The following LRIG1 variants were observed in gnomAD, a reference collection of about 807,000 sequenced individuals.
The protein encoded by LRIG1 is leucine-rich repeats and immunoglobulin-like domains protein 1.
A neutral mutation model predicts 99.2 loss-of-function variants in LRIG1; 48 were observed. That is an observed-to-expected ratio of 0.48 (90% CI 0.38 to 0.62). LRIG1 has a LOEUF of 0.62. Ranked by LOEUF, LRIG1 falls within the 20% of genes least tolerant of loss-of-function variation. The pLI, the probability that LRIG1 is intolerant of heterozygous loss-of-function variation, is 0.00. For missense variants in LRIG1, 1,646 were observed against 1,434.4 expected (o/e 1.15, Z -2.38); for synonymous variants, 772 against 596.1 (o/e 1.29, Z -4.30).
At chr3:66,487,660 G>A (rs908884774) in intron 1 of LRIG1, among the ~76,000 whole-genome samples, 2 of 152,086 alleles carry the variant, frequency 1.3e-5, no homozygotes, top group East Asian at 1.9e-4. Context: ...AGATTCCTCC[G>A]GGAAAGGACG....
intron 2 of LRIG1, among the ~76,000 whole-genome samples, chr3:66,460,964 C>G (rs1300093614): frequency 2.0e-5 from 3 of 152,082 alleles, no homozygotes; most frequent in African/African-American, 7.2e-5. Flanking sequence ...CAAATTGTAC[C>G]AGCTGATGAA....
intron 16 of LRIG1, 77 bp downstream of exon 16, chr3:66,382,196 A>T: frequency 6.4e-7 from 1 of 1,572,100 alleles, no homozygotes; most frequent in Non-Finnish European, 8.7e-7. Flanking sequence ...CCTGCCCTGT[A>T]AAGACCTGGA....
chr3:66,399,353 C>T lies in LRIG1; in HGVS notation c.1161-312G>A, dbSNP rs181826257. On this transcript the variant is annotated intron_variant, in intron 9 of 18. Transcript: ENST00000273261. ...TTAGGCAGAAATCACCTTGTCTGGC[C>T]CAGTCTCTCTCCAAGGACCACCAAC... is the stretch of plus-strand genomic sequence containing the variant. Among the ~76,000 whole-genome samples, 5 of 152,282 alleles carry T rather than the reference C, an allele frequency of 3.3e-5. No homozygotes were observed. In the East Asian group the frequency reaches 9.7e-4, roughly 29 times the overall value.
At chr3:66,406,233 G>A (rs1382235202) in intron 8 of LRIG1, 1 of 985,338 alleles carries the variant, frequency 1.0e-6, no homozygotes, top group African/African-American at 1.7e-5. Context: ...GCTGCTGGAA[G>A]GGACTTCTCC....
At chr3:66,398,664 G>A (rs991057230) in intron 10 of LRIG1, among the ~76,000 whole-genome samples, 3 of 152,236 alleles carry the variant, frequency 2.0e-5, no homozygotes, top group Non-Finnish European at 2.9e-5. Flanking sequence ...AAGAGGCAAT[G>A]AGGCCAGGGG....
At chr3:66,401,668 C>A in intron 9 of LRIG1, 1 of 1,528,988 alleles carries the variant, frequency 6.5e-7, no homozygotes, top group Non-Finnish European at 8.7e-7. Context: ...ACTGGGATGG[C>A]TCTAATAAAA....
At chr3:66,485,208 C>T (rs1456085878) in intron 1 of LRIG1, among the ~76,000 whole-genome samples, 1 of 151,524 alleles carries the variant, frequency 6.6e-6, no homozygotes, top group Non-Finnish European at 1.5e-5. Flanking sequence ...ATAAATTCCA[C>T]CTTTCTCCTT....
chr3:66,380,960 A>T (rs1701020475), intron 17 of LRIG1, 99 bp from the exon 18 acceptor site: 1 of 1,255,276 alleles, frequency 8.0e-7, no homozygotes, highest in African/African-American at 1.5e-5. Context: ...CAAGGTGAGA[A>T]CCCTGACTGC....
intron 14 of LRIG1, 52 bp downstream of exon 14, chr3:66,383,939 C>G: frequency 1.3e-6 from 2 of 1,556,978 alleles, no homozygotes; most frequent in South Asian, 1.2e-5. Context: ...GAGAGTCTCT[C>G]TCTCTCGCTC....
chr3:66,402,314 G>A (rs1457463341), intron 9 of LRIG1, among the ~76,000 whole-genome samples: 1 of 152,194 alleles, frequency 6.6e-6, no homozygotes, highest in Non-Finnish European at 1.5e-5. Context: ...GCCCTGGAGT[G>A]GGTCTACAGC....
chr3:66,396,301 G>A (rs1034887363), intron 11 of LRIG1, among the ~76,000 whole-genome samples: 3 of 152,316 alleles, frequency 2.0e-5, no homozygotes, highest in South Asian at 2.1e-4. Context: ...GGCTCCTGCC[G>A]CCCTTCTTCC....
chr3:66,402,671 C>T (rs890760250), intron 9 of LRIG1, among the ~76,000 whole-genome samples: 6 of 152,146 alleles, frequency 3.9e-5, no homozygotes, highest in African/African-American at 1.4e-4. Flanking sequence ...AAACCCACAC[C>T]AAATGAAGGG....
At chr3:66,392,234 T>A (rs1028395919) in intron 12 of LRIG1, among the ~76,000 whole-genome samples, 2 of 152,244 alleles carry the variant, frequency 1.3e-5, no homozygotes, top group African/African-American at 4.8e-5. Flanking sequence ...TTGGCCATTA[T>A]GAATAATGCT....
Position 66,383,326 on chromosome 3 carries a change from G to A in LRIG1, c.2147C>T (p.Ala716Val), listed in dbSNP as rs746019025. The A allele has an allele frequency of 2.5e-6, 4 of 1,600,992 alleles. No individual in the cohort carries two copies. The South Asian group carries it at 4.4e-5, about 18-fold the overall frequency. ...GATGCGGGGCGGAGGGTTCCCCGTG[G>A]CTTTGCATTGGAGGGCCACTGTTTC... ...VGETVALQCK[A>V]TGNPPPRITW... The change falls in exon 15 of 19, where the codon GCC (alanine) becomes GTC (valine). Residue 716 changes from alanine to valine, a missense_variant. Coordinates refer to ENST00000273261, the MANE Select transcript of LRIG1 (RefSeq NM_015541.3).
chr3:66,396,751 C>T (rs1374512464), intron 11 of LRIG1, among the ~76,000 whole-genome samples: 2 of 152,230 alleles, frequency 1.3e-5, no homozygotes, highest in Non-Finnish European at 2.9e-5. Context: ...AGGTATTTTT[C>T]AGTCCTGACA....
chr3:66,444,121 G>C (rs1575696379), intron 3 of LRIG1, among the ~76,000 whole-genome samples: 1 of 152,194 alleles, frequency 6.6e-6, no homozygotes, highest in African/African-American at 2.4e-5. Flanking sequence ...CCTGCCGGGG[G>C]AGAGGGGATG....
chr3:66,408,168 A>T (rs945927514), intron 7 of LRIG1, among the ~76,000 whole-genome samples: 1 of 152,198 alleles, frequency 6.6e-6, no homozygotes, highest in Non-Finnish European at 1.5e-5. Context: ...TACGTGACAT[A>T]TTGGTCATCT....
chr3:66,435,271 A>AG (rs1196768135), intron 3 of LRIG1, among the ~76,000 whole-genome samples: 17 of 151,476 alleles, frequency 1.1e-4, no homozygotes, highest in African/African-American at 2.9e-4. Flanking sequence ...GAAGTCAACC[A>AG]GGGGGGGCTA....
intron 2 of LRIG1, among the ~76,000 whole-genome samples, chr3:66,452,617 CA>C (rs1316910938): frequency 6.6e-6 from 1 of 152,176 alleles, no homozygotes; most frequent in Non-Finnish European, 1.5e-5. Flanking sequence ...ACGTCTAACA[CA>C]GAGCATCCTG....
Sources: allele counts gnomAD v4.1 joint callset (sites outside exome capture counted in the v4.1 genomes callset), GRCh38; gene constraint gnomAD v4.1.1; transcripts MANE v1.5; gene names NCBI Gene and HGNC (gene_info 2026-07-23, HGNC 2026-07-21).